WASF1: variants seen among roughly 807,000 people sequenced by gnomAD.
WASF1 encodes the protein actin-binding protein WASF1.
A neutral mutation model predicts 50.5 loss-of-function variants in WASF1; 7 were observed. The observed-to-expected ratio is 0.14, with a 90% CI of 0.08 to 0.26. The LOEUF (loss-of-function observed/expected upper bound fraction) is 0.26. Among genes scored for constraint, WASF1 ranks in the 10% least tolerant of loss-of-function variants. WASF1 has a pLI of 1.00. For missense variants in WASF1, 470 were observed against 694.7 expected (o/e 0.68, Z 3.64); for synonymous variants, 205 against 244.0 (o/e 0.84, Z 1.49).
rs534939435 is a variant in WASF1, at chr6:110,128,626, C to T, written c.-28-997G>A. Among the ~76,000 whole-genome samples, 5 of 152,358 alleles carry T rather than the reference C, an allele frequency of 3.3e-5. No individual in the cohort carries two copies. The South Asian group carries it at 1.0e-3, about 32-fold the overall frequency. ...TCGAGTTAGTAACAACACTGCCCAACACCATGATTCAAATTTCACTTACTA... is the reference window on the plus strand; with the variant it reads ...TCGAGTTAGTAACAACACTGCCCAATACCATGATTCAAATTTCACTTACTA... On this transcript the variant is annotated intron_variant, in intron 3 of 10. Coordinates refer to ENST00000392589, the MANE Select transcript of WASF1 (RefSeq NM_003931.3).
At chr6:110,115,049 G>A (rs1773736594) in intron 4 of WASF1, among the ~76,000 whole-genome samples, 2 of 151,006 alleles carry the variant, frequency 1.3e-5, no homozygotes, top group Non-Finnish European at 2.9e-5. Flanking sequence ...TCGTGATCAT[G>A]CCACTGTACT....
At chr6:110,103,676 A>G (rs1410673415) in intron 8 of WASF1, 119 bp from the exon 9 acceptor site, 2 of 951,478 alleles carry the variant, frequency 2.1e-6, no homozygotes, top group Non-Finnish European at 2.9e-6. Flanking sequence ...AACTATTTTT[A>G]AGAAACTTTC....
intron 2 of WASF1, among the ~76,000 whole-genome samples, chr6:110,161,755 C>T (rs1160286101): frequency 1.3e-5 from 2 of 151,484 alleles, no homozygotes; most frequent in South Asian, 2.1e-4. Context: ...TTCTCACTTA[C>T]TATGATGAAC....
intron 5 of WASF1, among the ~76,000 whole-genome samples, chr6:110,112,622 C>A (rs542386803): frequency 2.0e-5 from 3 of 152,194 alleles, no homozygotes; most frequent in Non-Finnish European, 2.9e-5. Flanking sequence ...AGTTACATAG[C>A]CAGGTGTAGT....
At chr6:110,142,599 A>AT (rs1775296767) in intron 3 of WASF1, among the ~76,000 whole-genome samples, 1 of 152,166 alleles carries the variant, frequency 6.6e-6, no homozygotes, top group Non-Finnish European at 1.5e-5. Flanking sequence ...TTTTCATGGG[A>AT]TCCTTTGTCA....
intron 4 of WASF1, among the ~76,000 whole-genome samples, chr6:110,114,195 T>C (rs971577909): frequency 2.6e-5 from 4 of 152,230 alleles, no homozygotes; most frequent in Admixed American, 6.5e-5. Flanking sequence ...CTCATGGTTC[T>C]TGTGTATTTT....
intron 4 of WASF1, among the ~76,000 whole-genome samples, chr6:110,123,305 G>A (rs1349911667): frequency 6.6e-6 from 1 of 151,650 alleles, no homozygotes; most frequent in Non-Finnish European, 1.5e-5. Context: ...AAATTTAGGA[G>A]ATCTTTTACA....
chr6:110,101,266 T>C (rs1026303244), intron 10 of WASF1, among the ~76,000 whole-genome samples: 3 of 152,078 alleles, frequency 2.0e-5, no homozygotes, highest in Admixed American at 6.6e-5. Flanking sequence ...TTTAAAGGAG[T>C]TAATATACAC....
At chr6:110,171,922 A>G (rs1178731917) in intron 2 of WASF1, among the ~76,000 whole-genome samples, 1 of 152,250 alleles carries the variant, frequency 6.6e-6, no homozygotes. Context: ...GCCAACAGAC[A>G]CATGAAAAAA....
intron 2 of WASF1, among the ~76,000 whole-genome samples, chr6:110,169,779 T>C (rs1723199407): frequency 6.6e-6 from 1 of 152,170 alleles, no homozygotes; most frequent in South Asian, 2.1e-4. Context: ...CCACAAATAA[T>C]GAGAATCATA....
At chr6:110,168,204 C>T (rs569185186) in intron 2 of WASF1, among the ~76,000 whole-genome samples, 1 of 152,172 alleles carries the variant, frequency 6.6e-6, no homozygotes, top group Admixed American at 6.6e-5. Context: ...TTGAGGAACT[C>T]ATAAATCCAT....
At chr6:110,153,203 G>GT (rs1198221869) in intron 3 of WASF1, among the ~76,000 whole-genome samples, 2 of 152,094 alleles carry the variant, frequency 1.3e-5, no homozygotes, top group Non-Finnish European at 2.9e-5. Context: ...TGGGTTATAC[G>GT]TTTAGCTTTG....
At chr6:110,101,272 TA>T (rs1335909668) in intron 10 of WASF1, among the ~76,000 whole-genome samples, 1 of 151,986 alleles carries the variant, frequency 6.6e-6, no homozygotes, top group Non-Finnish European at 1.5e-5. Flanking sequence ...GGAGTTAATA[TA>T]CACATTAAGC....
chr6:110,133,612 T>A (rs1408656724), intron 3 of WASF1, among the ~76,000 whole-genome samples: 2 of 152,208 alleles, frequency 1.3e-5, no homozygotes, highest in Non-Finnish European at 2.9e-5. Flanking sequence ...ATTGTGGTTT[T>A]GATTTGCATT....
chr6:110,127,957 A>G (rs999847213), intron 3 of WASF1, among the ~76,000 whole-genome samples: 4 of 152,214 alleles, frequency 2.6e-5, no homozygotes, highest in African/African-American at 4.8e-5. Flanking sequence ...AATGCAGCAT[A>G]TAATACATAT....
chr6:110,174,189 T>A (rs1348878161), intron 2 of WASF1, among the ~76,000 whole-genome samples: 2 of 152,144 alleles, frequency 1.3e-5, no homozygotes, highest in African/African-American at 4.8e-5. Flanking sequence ...CTTTTCCACC[T>A]AGCTAACTTC....
At position 110,101,676 on chromosome 6, in the gene WASF1, A is replaced by G. The variant is rs1467670488; in HGVS notation, c.1434T>C (p.Val478=). 1 of 1,614,082 alleles carries G rather than the reference A, an allele frequency of 6.2e-7. No individual in the cohort carries two copies. The highest frequency in any genetic ancestry group is 1.1e-5 in the South Asian group (1 of 91,076). Residue 478 remains valine (V), a synonymous_variant, in exon 10 of 11, where the codon GTT becomes GTC. Transcript: ENST00000392589. ...GGCGCTTTGGCTCAGAAGCAGGTAT[A>G]ACTTGTGATGGAGGAGATGGAGGCA... ...PLMPPSPPSQ[V]IPASEPKRHP...
At chr6:110,167,946 CTGAG>C (rs1776544460) in intron 2 of WASF1, among the ~76,000 whole-genome samples, 1 of 151,954 alleles carries the variant, frequency 6.6e-6, no homozygotes, top group African/African-American at 2.4e-5. Context: ...ACATACCACA[CTGAG>C]TATTTAATGA....
rs1212393708 is a variant in WASF1, at chr6:110,117,769, T to C, written c.134-4309A>G. The stretch of plus-strand genomic sequence containing the variant: ...TGTTAAGGGCAGCCACAGAGAAAGG[T>C]CGGGTTACCTACAAAGGGAAGCCCA... On this transcript the variant is annotated intron_variant, in intron 4 of 10. Coordinates refer to ENST00000392589, the MANE Select transcript of WASF1 (RefSeq NM_003931.3). Among the ~76,000 whole-genome samples, 6 of 150,220 alleles carry C rather than the reference T, an allele frequency of 4.0e-5. No homozygotes were observed. In the East Asian group the frequency reaches 1.2e-3, roughly 29 times the overall value.
Sources: gnomAD v4.1 joint callset for allele counts (sites outside exome capture counted in the v4.1 genomes callset) on GRCh38, gnomAD v4.1.1 for gene constraint, MANE v1.5 for transcripts, NCBI Gene and HGNC (gene_info 2026-07-23, HGNC 2026-07-21) for gene names.